Variants in STARD10 observed in about 807,000 individuals in gnomAD.
The protein encoded by STARD10 is START domain-containing protein 10.
STARD10 carries 24 observed loss-of-function variants against 36.0 expected under a neutral mutation model. The ratio of observed to expected loss-of-function variants is 0.67; its 90% CI spans 0.48 to 0.94. The LOEUF is 0.94. STARD10 is among the 40% of genes least tolerant of loss of function. STARD10 has a pLI of 0.00. For synonymous variants in STARD10, 156 were observed against 161.9 expected, an observed-to-expected ratio of 0.96 and a Z score of 0.28; for missense variants, 335 against 396.6, an observed-to-expected ratio of 0.84 and a Z score of 1.32.
intron 2 of STARD10, among the ~76,000 whole-genome samples, chr11:72,766,654 G>C (rs1858795451): frequency 6.6e-6 from 1 of 152,002 alleles, no homozygotes; most frequent in Non-Finnish European, 1.5e-5. Flanking sequence ...GGGATGTCTT[G>C]CCAGTGCTGA....
intron 2 of STARD10, among the ~76,000 whole-genome samples, chr11:72,760,951 A>C (rs897925693): frequency 6.6e-6 from 1 of 152,176 alleles, no homozygotes; most frequent in African/African-American, 2.4e-5. Context: ...GAACCCTCAC[A>C]TAATACTTTT....
Position 72,755,009 on chromosome 11 carries a change from T to TGCACCGACA in STARD10, c.755_763dup (p.Leu252_Val254dup), listed in dbSNP as rs766931894. 1.9e-6 allele frequency: 3 copies of TGCACCGACA among 1,613,230 alleles called. No individual in the cohort carries two copies. Among genetic ancestry groups the TGCACCGACA allele is most frequent in the South Asian group, 2.2e-5 (2 of 90,858 alleles). ...GATGTTCTCCAGTGAGTCCGCATGC[T>TGCACCGACA]GCACCGACAGCTCCGACAGCGCCAG... On this transcript the variant is annotated inframe_insertion, in exon 7 of 7. Transcript: ENST00000334805.
intron 2 of STARD10, among the ~76,000 whole-genome samples, chr11:72,773,283 C>T (rs929635234): frequency 2.0e-5 from 3 of 152,200 alleles, no homozygotes; most frequent in African/African-American, 7.2e-5. Flanking sequence ...CTTGAGGTGG[C>T]TGCACCCCTC....
rs548803767 is a variant in STARD10 at position 72,789,438 on chromosome 11, G to A, written c.-114+3437C>T. ...CCTGGAGGGTTGAGAGGGAAGAGAG[G>A]TAGCTGAAATGACATCTTGTCCCCC... On this transcript the variant is annotated intron_variant, in intron 1 of 6. Coordinates refer to ENST00000334805, the MANE Select transcript of STARD10 (RefSeq NM_006645.3). Among the ~76,000 whole-genome samples, 20 of 152,290 alleles carry A rather than the reference G, an allele frequency of 1.3e-4. No homozygotes were observed. In the South Asian group the frequency reaches 4.2e-3, roughly 32 times the overall value.
chr11:72,788,797 G>A (rs777423941), intron 1 of STARD10, among the ~76,000 whole-genome samples: 4 of 152,048 alleles, frequency 2.6e-5, no homozygotes, highest in South Asian at 2.1e-4. Context: ...TCCTGACCTC[G>A]TGATCTGCCT....
At chr11:72,777,873 G>C (rs531071170) in intron 2 of STARD10, among the ~76,000 whole-genome samples, 1 of 152,192 alleles carries the variant, frequency 6.6e-6, no homozygotes, top group Non-Finnish European at 1.5e-5. Flanking sequence ...TCAGGAGCAC[G>C]GGGCATGTCC....
At chr11:72,783,296 T>C in intron 1 of STARD10, among the ~76,000 whole-genome samples, 1 of 152,162 alleles carries the variant, frequency 6.6e-6, no homozygotes, top group East Asian at 1.9e-4. Context: ...CTGCAGGTCC[T>C]CATGAGGCCT....
At chr11:72,791,064 C>T (rs1451440444) in intron 1 of STARD10, among the ~76,000 whole-genome samples, 1 of 152,238 alleles carries the variant, frequency 6.6e-6, no homozygotes, top group Non-Finnish European at 1.5e-5. Context: ...CAGGTCTTAA[C>T]TCATTTAATT....
intron 1 of STARD10, among the ~76,000 whole-genome samples, chr11:72,786,739 C>A (rs771462141): frequency 6.6e-6 from 1 of 152,192 alleles, no homozygotes; most frequent in Non-Finnish European, 1.5e-5. Flanking sequence ...TCATGCCAGG[C>A]CACACATGGC....
In STARD10 at chr11:72,754,796, G is replaced by T; in HGVS notation, c.*101C>A. On this transcript the variant is annotated 3_prime_UTR_variant, in exon 7 of 7. Coordinates refer to ENST00000334805, the MANE Select transcript of STARD10 (RefSeq NM_006645.3). Reference sequence around the variant, plus strand: ...TGCAGCACCCGCCTGGGCCTGGCCCGGTGCCACCAGGTGCCGGGTGGGGGA... The same window carrying T: ...TGCAGCACCCGCCTGGGCCTGGCCCTGTGCCACCAGGTGCCGGGTGGGGGA... 6.7e-7 allele frequency: 1 copy of T among 1,492,610 alleles called. No individual in the cohort carries two copies. Among genetic ancestry groups the T allele is most frequent in the Non-Finnish European group, 9.0e-7 (1 of 1,113,654 alleles). 92.5% of individuals were successfully genotyped at this position (1,492,610 alleles called of 1,614,324 possible). A position where few individuals can be genotyped will look rare whatever the true frequency, so the allele number is the denominator to read the frequency against.
chr11:72,768,918 G>A (rs139194001), intron 2 of STARD10, among the ~76,000 whole-genome samples: 2 of 152,354 alleles, frequency 1.3e-5, no homozygotes, highest in East Asian at 3.9e-4. Flanking sequence ...GGCTGAGCCT[G>A]TGTGGGTTTC....
In STARD10 at chr11:72,781,246, T is replaced by C; in HGVS notation, c.-65A>G. On this transcript the variant is annotated 5_prime_UTR_variant, in exon 2 of 7. Coordinates refer to ENST00000334805, the MANE Select transcript of STARD10 (RefSeq NM_006645.3). The surrounding 1 kb of genome is among the most constrained non-coding windows in gnomAD (Gnocchi z 4.7). Reference sequence around the variant, plus strand: ...GCTCTCCTGGGTCCTCCGCGGAGGCTCCGACAACGTCGACGCGGCTGCAGA... The same window carrying C: ...GCTCTCCTGGGTCCTCCGCGGAGGCCCCGACAACGTCGACGCGGCTGCAGA... The C allele has an allele frequency of 7.0e-7, 1 of 1,418,458 alleles. No individual in the cohort carries two copies. The highest frequency in any genetic ancestry group is 1.2e-5 in the South Asian group (1 of 83,956). The allele number at this position is 1,418,458 out of a possible 1,614,324, so 87.9% of individuals were successfully genotyped here.
chr11:72,758,668 TG>T, intron 3 of STARD10, 35 bp from the exon 4 acceptor site: 1 of 1,494,128 alleles, frequency 6.7e-7, no homozygotes, highest in Non-Finnish European at 9.3e-7. Context: ...GCCAGACCAC[TG>T]GTCCACCTGC....
rs894738797 is a variant in STARD10, at chr11:72,793,876, C to T, written c.-1115G>A. The T allele has an allele frequency of 1.3e-5, 2 of 152,234 alleles. No individual in the cohort carries two copies. The highest frequency in any genetic ancestry group is 2.4e-5 in the African/African-American group (1 of 41,452). 9.4% of individuals were successfully genotyped at this position (152,234 alleles called of 1,614,324 possible). A position where few individuals can be genotyped will look rare whatever the true frequency, so the allele number is the denominator to read the frequency against. On this transcript the variant is annotated 5_prime_UTR_variant, in exon 1 of 7. Coordinates refer to ENST00000334805, the MANE Select transcript of STARD10 (RefSeq NM_006645.3). The stretch of plus-strand genomic sequence containing the variant: ...TCACCACGGCTCCCGGGGCCTCTGT[C>T]GGCTCCACTTTGGTTGAGACGTCTC...
At chr11:72,784,102 C>A (rs920888503) in intron 1 of STARD10, among the ~76,000 whole-genome samples, 1 of 152,198 alleles carries the variant, frequency 6.6e-6, no homozygotes, top group Non-Finnish European at 1.5e-5. Flanking sequence ...TGCCACCCCT[C>A]CCAGGAATTT....
At chr11:72,780,133 G>A (rs569605808) in intron 2 of STARD10, 2 of 437,720 alleles carry the variant, frequency 4.6e-6, no homozygotes, top group Non-Finnish European at 9.3e-6. Context: ...GATGTGTTGG[G>A]GGCAGCTATT....
chr11:72,787,084 CAAAAAAAA>C (rs765529093), intron 1 of STARD10, among the ~76,000 whole-genome samples: 2 of 72,024 alleles, frequency 2.8e-5, no homozygotes, highest in African/African-American at 5.1e-5. Context: ...ACCCTGTGTC[CAAAAAAAA>C]AAAAAAAAAA....
chr11:72,755,204 C>G (rs191722742), intron 6 of STARD10, 62 bp from the exon 7 acceptor site: 21 of 1,521,298 alleles, frequency 1.4e-5, no homozygotes, highest in East Asian at 2.4e-5. Context: ...CTCCACACCC[C>G]CCTCCAGCGG....
At chr11:72,757,242 A>C (rs1425013586) in intron 5 of STARD10, among the ~76,000 whole-genome samples, 2 of 151,894 alleles carry the variant, frequency 1.3e-5, no homozygotes, top group African/African-American at 4.8e-5. Context: ...GTGACTGAAA[A>C]GTGGAGACTT....
Sources: allele counts gnomAD v4.1 joint callset (sites outside exome capture counted in the v4.1 genomes callset), GRCh38; gene constraint gnomAD v4.1.1; non-coding constraint Gnocchi (gnomAD v3.1); transcripts MANE v1.5; gene names NCBI Gene and HGNC (gene_info 2026-07-23, HGNC 2026-07-21).